The following RPS6KC1 variants were observed in gnomAD, a reference collection of about 807,000 sequenced individuals.
RPS6KC1 encodes the protein ribosomal protein S6 kinase C1.
In RPS6KC1, 54 loss-of-function variants were observed where a neutral mutation model predicts 103.8. That is an observed-to-expected ratio of 0.52 (90% CI 0.42 to 0.65). RPS6KC1 has a LOEUF of 0.65. Among genes scored for constraint, RPS6KC1 ranks in the 30% least tolerant of loss-of-function variants. RPS6KC1 has a pLI of 0.00. For synonymous variants in RPS6KC1, 439 were observed against 438.7 expected, an observed-to-expected ratio of 1.00 and a Z score of -0.01; for missense variants, 1,151 against 1,253.8, an observed-to-expected ratio of 0.92 and a Z score of 1.24.
chr1:213,550,280 C>T, the RPS6KC1 span, among the ~76,000 whole-genome samples: 1,355 of 152,236 alleles, frequency 8.9e-3, 8 homozygotes, highest in Non-Finnish European at 0.014. Flanking sequence ...TTGTTTCTTA[C>T]GAAATTGACT....
intron 4 of RPS6KC1, among the ~76,000 whole-genome samples, chr1:213,115,161 C>T (rs1054969139): frequency 5.6e-4 from 86 of 152,218 alleles, no homozygotes; most frequent in African/African-American, 1.9e-3. Flanking sequence ...TGGTAGAATT[C>T]GGCTGTGAAT....
At chr1:213,604,730 C>G in the RPS6KC1 span, among the ~76,000 whole-genome samples, 2 of 152,204 alleles carry the variant, frequency 1.3e-5, no homozygotes, top group African/African-American at 2.4e-5. Context: ...CTGCCTGGCT[C>G]CATTCCTGTA....
the RPS6KC1 span, among the ~76,000 whole-genome samples, chr1:213,443,306 T>A: frequency 6.6e-6 from 1 of 152,202 alleles, no homozygotes; most frequent in African/African-American, 2.4e-5. Context: ...ACTTGAATAT[T>A]GTTGGGACAA....
chr1:213,652,440 C>G, the RPS6KC1 span, among the ~76,000 whole-genome samples: 1 of 152,214 alleles, frequency 6.6e-6, no homozygotes, highest in East Asian at 1.9e-4. Flanking sequence ...CCAGCATCCA[C>G]ATTGTTAACT....
chr1:213,264,954 A>G (rs986057082), intron 14 of RPS6KC1, among the ~76,000 whole-genome samples: 2 of 152,240 alleles, frequency 1.3e-5, no homozygotes, highest in Admixed American at 6.5e-5. Flanking sequence ...TTTAAATGCA[A>G]TCTTAAAAAA....
chr1:213,512,324 G>A, the RPS6KC1 span, among the ~76,000 whole-genome samples: 2 of 152,156 alleles, frequency 1.3e-5, no homozygotes, highest in Admixed American at 6.5e-5. Flanking sequence ...GAAAGCCTTC[G>A]GTAACTTGTA....
rs1278213311 is a variant in RPS6KC1, at chr1:213,095,404, A to G, written c.263-9050A>G. Among the ~76,000 whole-genome samples the G allele has an allele frequency of 3.3e-5, 5 of 152,268 alleles. No homozygotes were observed. The East Asian group carries it at 9.6e-4, about 29-fold the overall frequency. On this transcript the variant is annotated intron_variant, in intron 3 of 14. Coordinates refer to ENST00000366960, the MANE Select transcript of RPS6KC1 (RefSeq NM_012424.6). ...CTAACATGCATTTTAAAAAAGTTGTAAACTCTGCTATTTAGGAGTTCTTCT... is the reference window on the plus strand; with the variant it reads ...CTAACATGCATTTTAAAAAAGTTGTGAACTCTGCTATTTAGGAGTTCTTCT...
At position 213,242,004 on chromosome 1, in the gene RPS6KC1, T is replaced by C; in HGVS notation, c.2528T>C (p.Val843Ala). The stretch of plus-strand genomic sequence containing the variant: ...ACAGACACTTTAAAAACAGAAGAAG[T>C]ATTGCTGTTTACAGATCAGACTGAT... Reference protein sequence around the residue: ...ASTDTLKTEEVLLFTDQTDDL... With the variant: ...ASTDTLKTEEALLFTDQTDDL... Residue 843 changes from valine to alanine, a missense_variant, in exon 11 of 15, where the codon GTA becomes GCA. Transcript: ENST00000366960. 6.2e-7 allele frequency: 1 copy of C among 1,613,996 alleles called. No individual in the cohort carries two copies. The highest frequency in any genetic ancestry group is 8.5e-7 in the Non-Finnish European group (1 of 1,179,940).
chr1:213,227,935 C>A (rs1310091243), intron 8 of RPS6KC1, among the ~76,000 whole-genome samples: 1 of 152,160 alleles, frequency 6.6e-6, no homozygotes, highest in African/African-American at 2.4e-5. Flanking sequence ...ACCTTAATTA[C>A]ATCTGAAAAG....
At chr1:213,479,431 T>G in the RPS6KC1 span, among the ~76,000 whole-genome samples, 2 of 152,116 alleles carry the variant, frequency 1.3e-5, no homozygotes, top group East Asian at 3.8e-4. Context: ...GGGTGGAAAC[T>G]GGCATCTTGT....
chr1:213,784,178 C>T, the RPS6KC1 span, among the ~76,000 whole-genome samples: 1 of 152,224 alleles, frequency 6.6e-6, no homozygotes, highest in Non-Finnish European at 1.5e-5. Context: ...ATTGCAAACT[C>T]TCTCTAAAGA....
the RPS6KC1 span, among the ~76,000 whole-genome samples, chr1:213,544,148 A>G: frequency 3.9e-5 from 6 of 152,232 alleles, no homozygotes; most frequent in South Asian, 1.0e-3. Context: ...GAGTAAAAAC[A>G]TATCACATAA....
At chr1:213,612,326 C>T in the RPS6KC1 span, among the ~76,000 whole-genome samples, 1 of 152,342 alleles carries the variant, frequency 6.6e-6, no homozygotes, top group South Asian at 2.1e-4. Context: ...TGATTAATTA[C>T]TTTACTTTCA....
chr1:213,095,711 A>G (rs1451157058), intron 3 of RPS6KC1, among the ~76,000 whole-genome samples: 1 of 152,256 alleles, frequency 6.6e-6, no homozygotes, highest in East Asian at 1.9e-4. Flanking sequence ...TTCCTAGTAC[A>G]TATAAAAGTT....
intron 8 of RPS6KC1, among the ~76,000 whole-genome samples, chr1:213,210,978 G>A (rs1289142692): frequency 6.6e-6 from 1 of 152,090 alleles, no homozygotes; most frequent in Non-Finnish European, 1.5e-5. Flanking sequence ...TGCTTTTTAG[G>A]GACTTATTTT....
chr1:213,389,227 C>G, the RPS6KC1 span, among the ~76,000 whole-genome samples: 8 of 151,942 alleles, frequency 5.3e-5, no homozygotes, highest in Admixed American at 2.6e-4. Context: ...TCAGTCCAAC[C>G]GAGCTATTGT....
At chr1:213,531,926 C>A in the RPS6KC1 span, among the ~76,000 whole-genome samples, 1 of 152,176 alleles carries the variant, frequency 6.6e-6, no homozygotes, top group Non-Finnish European at 1.5e-5. Flanking sequence ...TCCCTAAGTT[C>A]TATCTGTCCC....
chr1:213,555,383 T>C, the RPS6KC1 span, among the ~76,000 whole-genome samples: 2 of 152,220 alleles, frequency 1.3e-5, no homozygotes, highest in South Asian at 2.1e-4. Flanking sequence ...CTGTTGAAAA[T>C]GTATTCCTGC....
chr1:213,212,291 T>C (rs1351219449), intron 8 of RPS6KC1, among the ~76,000 whole-genome samples: 1 of 152,158 alleles, frequency 6.6e-6, no homozygotes, highest in East Asian at 1.9e-4. Flanking sequence ...CTCCACAGTT[T>C]TGCCTTTTCC....
Sources: gnomAD v4.1 joint callset for allele counts (sites outside exome capture counted in the v4.1 genomes callset) on GRCh38, gnomAD v4.1.1 for gene constraint, MANE v1.5 for transcripts, NCBI Gene and HGNC (gene_info 2026-07-23, HGNC 2026-07-21) for gene names.